Variants in OPHN1 observed in about 807,000 individuals in gnomAD.
OPHN1 encodes oligophrenin 1, also known as oligophrenin-1.
A neutral mutation model predicts 60.7 loss-of-function variants in OPHN1; 11 were observed. The ratio of observed to expected loss-of-function variants is 0.18; its 90% CI spans 0.11 to 0.30. The LOEUF (loss-of-function observed/expected upper bound fraction) is 0.30, where lower values mean the gene tolerates loss of function less well. OPHN1 is among the 10% of genes least tolerant of loss of function. The pLI, the probability that OPHN1 is intolerant of heterozygous loss-of-function variation, is 1.00. For missense variants in OPHN1, 449 were observed against 611.0 expected, an observed-to-expected ratio of 0.73 and a Z score of 2.80; for synonymous variants, 226 against 222.6, an observed-to-expected ratio of 1.02 and a Z score of -0.14.
intron 15 of OPHN1, among the ~76,000 whole-genome samples, chrX:68,126,180 A>G (rs2077171070): frequency 9.2e-6 from 1 of 108,888 alleles, no homozygotes; most frequent in Non-Finnish European, 1.9e-5. Flanking sequence ...ATTTGACAAA[A>G]TTCAATATCC....
At chrX:68,210,589 CTG>C (rs1222783946) in intron 8 of OPHN1, among the ~76,000 whole-genome samples, 1 of 111,981 alleles carries the variant, frequency 8.9e-6, no homozygotes, top group African/African-American at 3.2e-5. Flanking sequence ...CTGAACATGA[CTG>C]ATACCCTGCT....
chrX:68,250,520 G>A (rs908646718), intron 5 of OPHN1, among the ~76,000 whole-genome samples: 6 of 111,414 alleles, frequency 5.4e-5, no homozygotes, highest in South Asian at 3.8e-4. Flanking sequence ...GGCTAAAGGC[G>A]TGGACTCTGG....
At chrX:68,054,199 A>G (rs974524664) in intron 21 of OPHN1, among the ~76,000 whole-genome samples, 7 of 111,130 alleles carry the variant, frequency 6.3e-5, no homozygotes, top group Non-Finnish European at 1.3e-4. Context: ...GATGATGATG[A>G]ATTTGAATTG....
At chrX:68,248,335 T>C (rs1156391657) in intron 5 of OPHN1, among the ~76,000 whole-genome samples, 1 of 109,617 alleles carries the variant, frequency 9.1e-6, no homozygotes, top group Non-Finnish European at 1.9e-5. Flanking sequence ...CAAACGGGCA[T>C]ATGAAAAGAT....
intron 18 of OPHN1, among the ~76,000 whole-genome samples, chrX:68,103,162 C>CA (rs1461759120): frequency 9.0e-6 from 1 of 111,682 alleles, no homozygotes; most frequent in Non-Finnish European, 1.9e-5. Flanking sequence ...TGCAGTGCAT[C>CA]AAAAAGCTTA....
chrX:68,432,383 C>A (rs1441639276), intron 2 of OPHN1, among the ~76,000 whole-genome samples: 1 of 111,704 alleles, frequency 9.0e-6, no homozygotes, highest in Non-Finnish European at 1.9e-5. Context: ...AATAACTTGC[C>A]ATGGCGAATT....
intron 19 of OPHN1, among the ~76,000 whole-genome samples, chrX:68,080,177 T>C (rs1340391860): frequency 1.8e-5 from 2 of 112,282 alleles, no homozygotes; most frequent in Non-Finnish European, 3.8e-5. Flanking sequence ...AAGTACTCAA[T>C]AATCTGGCCA....
chrX:68,058,157 A>G (rs1799596432), intron 21 of OPHN1, among the ~76,000 whole-genome samples: 1 of 110,351 alleles, frequency 9.1e-6, no homozygotes, highest in African/African-American at 3.3e-5. Flanking sequence ...CTTTAAAATA[A>G]TTAATCCCTC....
chrX:68,307,274 C>G (rs1366133548), intron 2 of OPHN1, among the ~76,000 whole-genome samples: 1 of 103,144 alleles, frequency 9.7e-6, no homozygotes, highest in Non-Finnish European at 1.9e-5. Flanking sequence ...GAGACCCTGT[C>G]TCTACCAAAA....
intron 2 of OPHN1, among the ~76,000 whole-genome samples, chrX:68,314,900 C>T (rs968769832): frequency 3.8e-5 from 4 of 106,268 alleles, no homozygotes; most frequent in Non-Finnish European, 7.7e-5. Flanking sequence ...GCAGGAGAAC[C>T]GCTTGAACCC....
intron 15 of OPHN1, among the ~76,000 whole-genome samples, chrX:68,171,677 A>G (rs1390590658): frequency 3.6e-5 from 4 of 110,850 alleles, no homozygotes. Context: ...TGGAGGCTGC[A>G]GTGAGCCAAG....
chrX:68,120,689 T>G (rs896243880), intron 15 of OPHN1, among the ~76,000 whole-genome samples: 6 of 112,057 alleles, frequency 5.4e-5, no homozygotes, highest in Non-Finnish European at 1.1e-4. Flanking sequence ...AAAGCAATCT[T>G]TAGCAAAAGG....
At chrX:68,364,241 G>GC (rs1438554739) in intron 2 of OPHN1, among the ~76,000 whole-genome samples, 1 of 111,968 alleles carries the variant, frequency 8.9e-6, no homozygotes, top group Non-Finnish European at 1.9e-5. Flanking sequence ...CAGCCCAACA[G>GC]CAAGTGTCTT....
chrX:68,206,023 C>T lies in OPHN1; in HGVS notation c.933+550G>A, dbSNP rs771997386. On this transcript the variant is annotated intron_variant, in intron 10 of 24. Coordinates refer to ENST00000355520, the MANE Select transcript of OPHN1 (RefSeq NM_002547.3). ...GTGTGTGTGTGTGTTTGTAAAAGAT[C>T]AGGTTCTTCCAGGTAAGTAAACTAT... 1.5e-3 allele frequency among the ~76,000 whole-genome samples: 124 copies of T among 83,571 alleles called. No homozygotes were observed. The Middle Eastern group carries it at 0.021, about 14-fold the overall frequency. The allele number at this position is 83,571 out of a possible 115,157, so 72.6% of individuals were successfully genotyped here. A position where few individuals can be genotyped will look rare whatever the true frequency, so the allele number is the denominator to read the frequency against.
At chrX:68,120,324 C>CT (rs1464821964) in intron 15 of OPHN1, among the ~76,000 whole-genome samples, 1 of 111,650 alleles carries the variant, frequency 9.0e-6, no homozygotes, top group African/African-American at 3.3e-5. Flanking sequence ...TGTTTAGCCT[C>CT]TATCAGTCGC....
chrX:68,237,791 T>C (rs1191731140), intron 5 of OPHN1, among the ~76,000 whole-genome samples: 7 of 111,589 alleles, frequency 6.3e-5, no homozygotes, highest in Admixed American at 9.6e-5. Flanking sequence ...GTGTGTTCCT[T>C]AGGATTTTCT....
intron 2 of OPHN1, among the ~76,000 whole-genome samples, chrX:68,383,798 G>C (rs953999783): frequency 5.5e-5 from 6 of 110,003 alleles, no homozygotes; most frequent in African/African-American, 2.0e-4. Flanking sequence ...ATTGCATTTT[G>C]GTAGTCTGAG....
intron 2 of OPHN1, among the ~76,000 whole-genome samples, chrX:68,350,181 T>C (rs1263532131): frequency 9.0e-6 from 1 of 111,634 alleles, no homozygotes; most frequent in African/African-American, 3.2e-5. Context: ...TACACTGATT[T>C]GATTATATGA....
intron 3 of OPHN1, among the ~76,000 whole-genome samples, chrX:68,296,210 A>G (rs1372798671): frequency 8.9e-6 from 1 of 112,146 alleles, no homozygotes; most frequent in Non-Finnish European, 1.9e-5. Flanking sequence ...TGACAGGCCA[A>G]TGAATTTTCA....
Sources: allele counts gnomAD v4.1 joint callset (sites outside exome capture counted in the v4.1 genomes callset), GRCh38; gene constraint gnomAD v4.1.1; transcripts MANE v1.5; gene names NCBI Gene and HGNC (gene_info 2026-07-23, HGNC 2026-07-21).